The following EPPK1 variants were observed in gnomAD, a reference collection of about 807,000 sequenced individuals.
EPPK1 encodes epiplakin 1.
For synonymous variants in EPPK1, 1,862 were observed against 1,721.2 expected (o/e 1.08, Z -2.03); for missense variants, 3,823 against 3,673.3 (o/e 1.04, Z -1.05).
Position 143,864,100 on chromosome 8 carries a change from C to A in EPPK1, c.9154G>T (p.Ala3052Ser), listed in dbSNP as rs2130609036. The A allele has an allele frequency of 4.8e-6, 1 of 208,628 alleles. No homozygotes were observed. The highest frequency in any genetic ancestry group is 3.1e-5 in the African/African-American group (1 of 32,102). The allele number at this position is 208,628 out of a possible 1,614,324, so 12.9% of individuals were successfully genotyped here. Residue 3052 changes from alanine to serine, a missense_variant, in exon 2 of 2, where the codon GCC (alanine) becomes TCC (serine). Coordinates refer to ENST00000615648, the MANE Select transcript of EPPK1 (RefSeq NM_031308.4). ...ACCTCCATGGTGGCCGCACGCAGGG[C>A]CTCCCGGGGGTCTGGGCGCGGGCTC... ...AGSPRPDPRE[A>S]LRAATMEVKV...
At position 143,870,227 on chromosome 8, in the gene EPPK1, A is replaced by C; in HGVS notation, c.3027T>G (p.Ala1009=). The part of the protein sequence containing the change: ...GRLKRAEGAI[A]GFRDPFSGKQ... ...TCCCAGAGAAGGGGTCTCTGAAGCCAGCAATGGCACCCTCAGCCCGCTTCA... is the reference window on the plus strand; with the variant it reads ...TCCCAGAGAAGGGGTCTCTGAAGCCCGCAATGGCACCCTCAGCCCGCTTCA... Residue 1009 remains alanine (A), a synonymous_variant, in exon 2 of 2, where the codon GCT becomes GCG. Transcript: ENST00000615648. The surrounding 1 kb of genome is among the most constrained non-coding windows in gnomAD (Gnocchi z 5.2). 2.5e-6 allele frequency: 4 copies of C among 1,607,272 alleles called. No homozygotes were observed. Among genetic ancestry groups the C allele is most frequent in the Non-Finnish European group, 3.4e-6 (4 of 1,177,636 alleles).
At chr8:143,873,898 C>T (rs80318631) in intron 1 of EPPK1, among the ~76,000 whole-genome samples, 21 of 152,166 alleles carry the variant, frequency 1.4e-4, no homozygotes, top group Admixed American at 2.6e-4. Flanking sequence ...CCTCCCTCCA[C>T]AGCCATCCAC....
rs782518613 is a variant in EPPK1 at position 143,872,164 on chromosome 8, T to C, written c.1090A>G (p.Thr364Ala). ...EQLLVAEQAV[T>A]GHHDPFSGSQ... ...CCACTGAAGGGGTCGTGGTGCCCTG[T>C]CACGGCCTGCTCGGCCACCAGGAGC... Residue 364 changes from threonine (T) to alanine (A), a missense_variant, in exon 2 of 2, where the codon ACA becomes GCA. Thr to Ala is a moderately conservative substitution (Grantham distance 58, BLOSUM62 0). Transcript: ENST00000615648. 1 of 1,587,876 alleles carries C rather than the reference T, an allele frequency of 6.3e-7. No individual in the cohort carries two copies. Among genetic ancestry groups the C allele is most frequent in the East Asian group, 2.2e-5 (1 of 44,482 alleles).
In EPPK1 at chr8:143,870,275, C is replaced by T. The variant is rs782259090; in HGVS notation, c.2979G>A (p.Val993=). ...TCAGCCTGCCATACAGCTCCGGCCC[C>T]ACCACACCCCTGCGCACGGCCTCAT... is the stretch of plus-strand genomic sequence containing the variant. ...SVDEAVRRGV[V]GPELYGRLKR... is the part of the protein sequence containing the mutation. The change falls in exon 2 of 2, where the codon GTG becomes GTA. Residue 993 remains valine (V), a synonymous_variant. Transcript: ENST00000615648. The surrounding 1 kb of genome is among the most constrained non-coding windows in gnomAD (Gnocchi z 5.2). 15 of 1,592,848 alleles carry T rather than the reference C, an allele frequency of 9.4e-6. No individual in the cohort carries two copies. The highest frequency in any genetic ancestry group is 1.3e-5 in the Non-Finnish European group (15 of 1,173,746).
Position 143,866,960 on chromosome 8 carries a change from C to T in EPPK1, c.6294G>A (p.Glu2098=), listed in dbSNP as rs1819140559. ...GCTCTGCCTCCAGGGCCCTTCTCGT[C>T]TCGTCATCGATGTGCTCGGAGTCCC... ...AARDSEHIDD[E]TRRALEAEQV... is the part of the protein sequence containing the mutation. The change falls in exon 2 of 2, where the codon GAG becomes GAA. Residue 2098 remains glutamate, a synonymous_variant. Transcript: ENST00000615648. The T allele has an allele frequency of 1.9e-6, 3 of 1,612,868 alleles. No homozygotes were observed. The highest frequency in any genetic ancestry group is 2.2e-5 in the South Asian group (2 of 91,088).
In EPPK1 at chr8:143,867,477, A is replaced by G. The variant is rs368672062; in HGVS notation, c.5777T>C (p.Phe1926Ser). The G allele has an allele frequency of 1.9e-6, 3 of 1,612,434 alleles. No homozygotes were observed. Among genetic ancestry groups the G allele is most frequent in the South Asian group, 2.2e-5 (2 of 91,072 alleles). ...ASRKELIPAA[F>S]ATWLLEAQAA... ...CTGCGCCTCCAGCAGCCAAGTCGCA[A>G]ATGCTGCAGGGATGAGCTCCTTCCT... is the stretch of plus-strand genomic sequence containing the variant. Residue 1926 changes from phenylalanine to serine, a missense_variant, in exon 2 of 2, where the codon TTT becomes TCT. Physicochemically the swap from Phe to Ser is radical, Grantham distance 155 (BLOSUM62 -2). Coordinates refer to ENST00000615648, the MANE Select transcript of EPPK1 (RefSeq NM_031308.4).
In EPPK1 at chr8:143,869,242, G is replaced by A. The variant is rs781933982; in HGVS notation, c.4012C>T (p.Leu1338=). 1.2e-5 allele frequency: 19 copies of A among 1,610,506 alleles called. No homozygotes were observed. Among genetic ancestry groups the A allele is most frequent in the Non-Finnish European group, 1.4e-5 (17 of 1,179,438 alleles). The change falls in exon 2 of 2, where the codon CTG becomes TTG. Residue 1338 remains leucine (L), a synonymous_variant. Transcript: ENST00000615648. ...AGCCCCTTCTCCATGGCCTGCCACA[G>A]AGAGAGGGAGGCCCTAGAGTAGGGA... ...PDPYSRASLS[L]WQAMEKGLVP...
In EPPK1 at chr8:143,869,284, C is replaced by A. The variant is rs1554660290; in HGVS notation, c.3970G>T (p.Ala1324Ser). Residue 1324 changes from alanine (A) to serine (S), a missense_variant, in exon 2 of 2, where the codon GCG becomes TCG. Transcript: ENST00000615648. ...SEQLGQAERA[A>S]AGYPDPYSRA... ...GAGTAGGGATCTGGGTACCCGGCCG[C>A]CGCCCTCTCGGCCTGCCCGAGCTGC... 4 of 1,605,428 alleles carry A rather than the reference C, an allele frequency of 2.5e-6. No homozygotes were observed. The highest frequency in any genetic ancestry group is 3.4e-6 in the Non-Finnish European group (4 of 1,175,910).
In EPPK1 at chr8:143,868,073, G is replaced by A. The variant is rs1554659741; in HGVS notation, c.5181C>T (p.Gly1727=). 6 of 1,613,590 alleles carry A rather than the reference G, an allele frequency of 3.7e-6. No homozygotes were observed. The highest frequency in any genetic ancestry group is 4.5e-5 in the East Asian group (2 of 44,888). Reference sequence around the variant, plus strand: ...TCTCGTGCGTGTTGGGGTCGAAGAAGCCCTTGGTGTCGTCGCTGGGGTCCG... The same window carrying A: ...TCTCGTGCGTGTTGGGGTCGAAGAAACCCTTGGTGTCGTCGCTGGGGTCCG... ...ILADPSDDTK[G]FFDPNTHENL... Residue 1727 remains glycine, a synonymous_variant, in exon 2 of 2, where the codon GGC becomes GGT. Coordinates refer to ENST00000615648, the MANE Select transcript of EPPK1 (RefSeq NM_031308.4).
chr8:143,874,421 T>C (rs1554662083), intron 1 of EPPK1, among the ~76,000 whole-genome samples: 1 of 152,234 alleles, frequency 6.6e-6, no homozygotes, highest in Non-Finnish European at 1.5e-5. Context: ...CGGGCTAGGA[T>C]TGGCTGTTAT....
Position 143,873,223 on chromosome 8 carries a change from C to G in EPPK1, c.31G>C (p.Val11Leu), listed in dbSNP as rs1344715417. 6.3e-7 allele frequency: 1 copy of G among 1,576,132 alleles called. No individual in the cohort carries two copies. The change falls in exon 2 of 2, where the codon GTC becomes CTC. Residue 11 changes from valine (V) to leucine (L), a missense_variant. Transcript: ENST00000615648. ...TGCTCTGTGCTGTTGGTGCCTGGGA[C>G]GGGAAGAGGAGGCAAGGTGTGGCCA... MSGHTLPPLPVPGTNSTEQAS... is the reference protein window; with the variant it reads MSGHTLPPLPLPGTNSTEQAS...
At position 143,866,374 on chromosome 8, in the gene EPPK1, C is replaced by T. The variant is rs1445039871; in HGVS notation, c.6880G>A (p.Gly2294Ser). ...EEAVAAGVVG[G>S]EIQEKLLSAE... The stretch of plus-strand genomic sequence containing the variant: ...GACAGCAGCTTCTCCTGGATCTCGC[C>T]GCCCACCACGCCCGCGGCCACGGCC... The change falls in exon 2 of 2, where the codon GGC becomes AGC. Residue 2294 changes from glycine to serine, a missense_variant. By Grantham distance (56) the Gly-to-Ser change is moderately conservative. Coordinates refer to ENST00000615648, the MANE Select transcript of EPPK1 (RefSeq NM_031308.4). 1.3e-4 allele frequency: 110 copies of T among 865,286 alleles called. No homozygotes were observed. The highest frequency in any genetic ancestry group is 9.8e-4 in the African/African-American group (48 of 48,940). 53.6% of individuals were successfully genotyped at this position (865,286 alleles called of 1,614,324 possible).
chr8:143,870,432 C>G lies in EPPK1; in HGVS notation c.2822G>C (p.Gly941Ala), dbSNP rs1554660775. The G allele has an allele frequency of 1.3e-6, 2 of 1,596,346 alleles. No individual in the cohort carries two copies. The highest frequency in any genetic ancestry group is 2.2e-5 in the South Asian group (2 of 90,026). ...AVGGVRLLPS[G>A]QRLSLYQAMR... is the part of the protein sequence containing the mutation. The stretch of plus-strand genomic sequence containing the variant: ...GGCCTGGTAGAGGCTGAGCCGCTGG[C>G]CAGAGGGCAGCAGCCGCACACCGCC... The change falls in exon 2 of 2, where the codon GGC (glycine) becomes GCC (alanine). Residue 941 changes from glycine (G) to alanine (A), a missense_variant. Physicochemically the swap from Gly to Ala is moderately conservative, Grantham distance 60 (BLOSUM62 0). Transcript: ENST00000615648. This position sits in a 1 kb window ranked among gnomAD's most constrained non-coding sequence, Gnocchi z 5.2.
Position 143,867,765 on chromosome 8 carries a change from A to G in EPPK1, c.5489T>C (p.Ile1830Thr). 3 of 1,613,492 alleles carry G rather than the reference A, an allele frequency of 1.9e-6. No individual in the cohort carries two copies. Among genetic ancestry groups the G allele is most frequent in the Non-Finnish European group, 2.5e-6 (3 of 1,179,814 alleles). Residue 1830 changes from isoleucine (I) to threonine (T), a missense_variant, in exon 2 of 2, where the codon ATC (isoleucine) becomes ACC (threonine). Ile to Thr is a moderately conservative substitution (Grantham distance 89). Coordinates refer to ENST00000615648, the MANE Select transcript of EPPK1 (RefSeq NM_031308.4). ...QSGGLEKLLE[I>T]ITTTIEETET... is the part of the protein sequence containing the mutation. ...TGTTTCTTCAATTGTCGTGGTGATG[A>G]TTTCCAGCAATTTCTCCAGGCCCCC...
Position 143,871,837 on chromosome 8 carries a change from G to C in EPPK1, c.1417C>G (p.Arg473Gly). The change falls in exon 2 of 2, where the codon CGG becomes GGG. Residue 473 changes from arginine to glycine, a missense_variant. Arg to Gly is a moderately radical substitution (Grantham distance 125). Coordinates refer to ENST00000615648, the MANE Select transcript of EPPK1 (RefSeq NM_031308.4). The part of the protein sequence containing the change: ...LAFLPLSGGP[R>G]GGEPQGPPFI... ...GGGGGTCCCTGGGGCTCCCCTCCCC[G>C]GGGTCCCCCTGAGAGTGGCAGGAAG... The C allele has an allele frequency of 6.2e-7, 1 of 1,612,288 alleles. No homozygotes were observed. The highest frequency in any genetic ancestry group is 8.5e-7 in the Non-Finnish European group (1 of 1,179,832).
Position 143,867,617 on chromosome 8 carries a change from C to T in EPPK1, c.5637G>A (p.Gly1879=). Residue 1879 remains glycine, a synonymous_variant, in exon 2 of 2, where the codon GGG becomes GGA. Coordinates refer to ENST00000615648, the MANE Select transcript of EPPK1 (RefSeq NM_031308.4). The part of the protein sequence containing the change: ...TLHTLRVGRT[G]GQALSTLECV... ...ACTCCAGCGTGCTGAGTGCCTGTCCCCCAGTCCTCCCCACACGAAGTGTGT... is the reference window on the plus strand; with the variant it reads ...ACTCCAGCGTGCTGAGTGCCTGTCCTCCAGTCCTCCCCACACGAAGTGTGT... The T allele has an allele frequency of 6.2e-7, 1 of 1,613,292 alleles. No individual in the cohort carries two copies. The highest frequency in any genetic ancestry group is 8.5e-7 in the Non-Finnish European group (1 of 1,179,876).
Position 143,871,978 on chromosome 8 carries a change from C to T in EPPK1, c.1276G>A (p.Glu426Lys), listed in dbSNP as rs1415887042. ...TGCGAGAGCTGCCGCTGAGTGTCTT[C>T]ATCCAGGCAGCCGCAGCGCAGGGCG... ...EAALRCGCLD[E>K]DTQRQLSQAG... The change falls in exon 2 of 2, where the codon GAA (glutamate) becomes AAA (lysine). Residue 426 changes from glutamate (E) to lysine (K), a missense_variant. By Grantham distance (56) the Glu-to-Lys change is moderately conservative. Transcript: ENST00000615648. 8 of 1,595,582 alleles carry T rather than the reference C, an allele frequency of 5.0e-6. No individual in the cohort carries two copies. In the African/African-American group the frequency reaches 6.7e-5, roughly 13 times the overall value.
Position 143,872,134 on chromosome 8 carries a change from G to C in EPPK1, c.1120C>G (p.Gln374Glu), listed in dbSNP as rs782784208. The C allele has an allele frequency of 4.5e-6, 7 of 1,570,242 alleles. No homozygotes were observed. Among genetic ancestry groups the C allele is most frequent in the Non-Finnish European group, 6.0e-6 (7 of 1,158,810 alleles). The part of the protein sequence containing the change: ...TGHHDPFSGS[Q>E]IPLFQAMKKG... ...TTCATGGCCTGGAAAAGGGGGATTT[G>C]GGAGCCACTGAAGGGGTCGTGGTGC... is the stretch of plus-strand genomic sequence containing the variant. Residue 374 changes from glutamine to glutamate, a missense_variant, in exon 2 of 2, where the codon CAA becomes GAA. Transcript: ENST00000615648.
At position 143,868,283 on chromosome 8, in the gene EPPK1, G is replaced by A. The variant is rs745344386; in HGVS notation, c.4971C>T (p.Thr1657=). 75 of 1,613,072 alleles carry A rather than the reference G, an allele frequency of 4.6e-5. No individual in the cohort carries two copies. The East Asian group carries it at 4.9e-4, about 11-fold the overall frequency. ...RAVTGYTDPY[T]GQQISLFQAM... is the part of the protein sequence containing the mutation. Reference sequence around the variant, plus strand: ...CCTGGAAGAGGGAGATCTGCTGCCCGGTATAGGGGTCGGTGTAGCCGGTGA... The same window carrying A: ...CCTGGAAGAGGGAGATCTGCTGCCCAGTATAGGGGTCGGTGTAGCCGGTGA... The change falls in exon 2 of 2, where the codon ACC becomes ACT. Residue 1657 remains threonine, a synonymous_variant. Coordinates refer to ENST00000615648, the MANE Select transcript of EPPK1 (RefSeq NM_031308.4).
Sources: gnomAD v4.1 joint callset for allele counts (sites outside exome capture counted in the v4.1 genomes callset) on GRCh38, gnomAD v4.1.1 for gene constraint, Gnocchi (gnomAD v3.1) non-coding constraint, MANE v1.5 for transcripts, NCBI Gene and HGNC (gene_info 2026-07-23, HGNC 2026-07-21) for gene names.